The following SLC37A1 variants were observed in gnomAD, a reference collection of about 807,000 sequenced individuals.
SLC37A1 encodes solute carrier family 37 member 1, also known as glucose-6-phosphate exchanger SLC37A1.
In SLC37A1, 49 loss-of-function variants were observed where a neutral mutation model predicts 75.3. That is an observed-to-expected ratio of 0.65 (90% CI 0.52 to 0.83). SLC37A1 has a LOEUF of 0.83. Among genes scored for constraint, SLC37A1 ranks in the 40% least tolerant of loss-of-function variants. SLC37A1 has a pLI of 0.00. For missense variants in SLC37A1, 566 were observed against 695.0 expected (o/e 0.81, Z 2.09); for synonymous variants, 268 against 292.1 (o/e 0.92, Z 0.84).
chr21:42,564,881 C>A, intron 14 of SLC37A1, 88 bp downstream of exon 14: 2 of 1,269,012 alleles, frequency 1.6e-6, no homozygotes, highest in South Asian at 1.3e-5. Flanking sequence ...CCATCTGGCC[C>A]GTGCTCCACT....
At chr21:42,520,966 C>T (rs777581523) in intron 2 of SLC37A1, among the ~76,000 whole-genome samples, 2 of 152,254 alleles carry the variant, frequency 1.3e-5, no homozygotes, top group Admixed American at 6.5e-5. Flanking sequence ...GCGTAAGATT[C>T]GGCGAGTCCT....
chr21:42,556,090 T>C (rs984639754), intron 10 of SLC37A1, among the ~76,000 whole-genome samples: 2 of 152,136 alleles, frequency 1.3e-5, no homozygotes, highest in Admixed American at 1.3e-4. Context: ...CTCAGTGGCC[T>C]CTTGAAGAGA....
chr21:42,535,057 C>A (rs1199686944), intron 4 of SLC37A1, among the ~76,000 whole-genome samples: 2 of 152,202 alleles, frequency 1.3e-5, no homozygotes. Context: ...TGCTGAAGAT[C>A]ATTTGCATTT....
intron 10 of SLC37A1, among the ~76,000 whole-genome samples, chr21:42,556,645 A>G (rs953227329): frequency 1.7e-4 from 26 of 152,320 alleles, no homozygotes; most frequent in African/African-American, 6.3e-4. Context: ...CGGGGGCTCC[A>G]CAGATCCCAT....
chr21:42,555,864 C>T (rs1247374684), intron 10 of SLC37A1, among the ~76,000 whole-genome samples: 3 of 152,226 alleles, frequency 2.0e-5, no homozygotes, highest in African/African-American at 2.4e-5. Flanking sequence ...CACAACCGGG[C>T]GCATGCTGAC....
At chr21:42,573,828 C>T (rs1461910426) in intron 17 of SLC37A1, among the ~76,000 whole-genome samples, 1 of 151,938 alleles carries the variant, frequency 6.6e-6, no homozygotes, top group Admixed American at 6.5e-5. Context: ...CATTTCAGTC[C>T]CTCTTGGTAA....
intron 2 of SLC37A1, among the ~76,000 whole-genome samples, chr21:42,525,409 G>A (rs1216581551): frequency 6.6e-6 from 1 of 152,236 alleles, no homozygotes; most frequent in East Asian, 1.9e-4. Context: ...CTGACTCCTG[G>A]AAGACAGTGT....
Position 42,547,062 on chromosome 21 carries a change from G to A in SLC37A1, c.731-41G>A, listed in dbSNP as rs1461851717. 4 of 1,614,004 alleles carry A rather than the reference G, an allele frequency of 2.5e-6. No homozygotes were observed. The highest frequency in any genetic ancestry group is 3.4e-6 in the Non-Finnish European group (4 of 1,179,906). Reference sequence around the variant, plus strand: ...ACGTAGCTTACTTGGCATTGCCATGGTGGTGGACCTGCTCAGCCTCACTCA... The same window carrying A: ...ACGTAGCTTACTTGGCATTGCCATGATGGTGGACCTGCTCAGCCTCACTCA... On this transcript the variant is annotated intron_variant, in intron 8 of 19. Transcript: ENST00000352133. This position sits in a 1 kb window ranked among gnomAD's most constrained non-coding sequence, Gnocchi z 6.1.
intron 10 of SLC37A1, 105 bp from the exon 11 acceptor site, chr21:42,558,853 G>A (rs1601745255): frequency 6.9e-7 from 1 of 1,451,888 alleles, no homozygotes; most frequent in East Asian, 2.4e-5. Flanking sequence ...CAGTGGAAGA[G>A]AGAGCCGCCA....
chr21:42,503,579 G>A (rs763784329), intron 2 of SLC37A1, among the ~76,000 whole-genome samples: 19 of 152,178 alleles, frequency 1.2e-4, no homozygotes, highest in South Asian at 4.1e-4. Flanking sequence ...ACAATGTGTC[G>A]GGTGTCTTTT....
At chr21:42,546,954 G>A (rs753780488) in intron 8 of SLC37A1, 149 bp from the exon 9 acceptor site, 51 of 905,088 alleles carry the variant, frequency 5.6e-5, no homozygotes, top group Non-Finnish European at 3.8e-5. Flanking sequence ...GGCAAGAGCA[G>A]CTCAAATCCA....
At chr21:42,574,546 A>T (rs541056364) in intron 17 of SLC37A1, among the ~76,000 whole-genome samples, 1 of 152,312 alleles carries the variant, frequency 6.6e-6, no homozygotes, top group African/African-American at 2.4e-5. Context: ...CCCAATTCTG[A>T]AATGCCCCAG....
intron 3 of SLC37A1, among the ~76,000 whole-genome samples, chr21:42,530,062 G>A (rs1006643477): frequency 6.6e-6 from 1 of 152,130 alleles, no homozygotes; most frequent in African/African-American, 2.4e-5. Flanking sequence ...AACAATGCTG[G>A]ATATCAAGGG....
In SLC37A1 at chr21:42,530,654, A is replaced by ACACACACCCC. The variant is rs1161313598; in HGVS notation, c.139-4043_139-4042insACACACCCCC. Among the ~76,000 whole-genome samples the ACACACACCCC allele has an allele frequency of 6.1e-3, 219 of 35,878 alleles. 5 individuals are homozygous for ACACACACCCC. The highest frequency in any genetic ancestry group is 0.019 in the Middle Eastern group (2 of 104). The allele number at this position is 35,878 out of a possible 152,430, so 23.5% of individuals were successfully genotyped here. ...CACACACACACACACACACACACAC[A>ACACACACCCC]CCCCCTCTGTGTTGGCTGAAGGTGG... is the stretch of plus-strand genomic sequence containing the variant. On this transcript the variant is annotated intron_variant, in intron 3 of 19. Transcript: ENST00000352133.
At chr21:42,561,860 T>C (rs1391845759) in intron 11 of SLC37A1, 5 of 508,350 alleles carry the variant, frequency 9.8e-6, no homozygotes, top group Non-Finnish European at 1.8e-5. Context: ...CGCCCCTCCC[T>C]GGTGCCCCTG....
chr21:42,539,421 C>T (rs1669517435), intron 5 of SLC37A1, 91 bp from the exon 6 acceptor site: 2 of 1,430,698 alleles, frequency 1.4e-6, no homozygotes, highest in Admixed American at 4.2e-5. Context: ...CAGAGAACAG[C>T]ATGAAAGCAT....
At chr21:42,544,814 A>G (rs995977103) in intron 8 of SLC37A1, among the ~76,000 whole-genome samples, 1 of 152,126 alleles carries the variant, frequency 6.6e-6, no homozygotes, top group Non-Finnish European at 1.5e-5. Flanking sequence ...TAGAACCTGG[A>G]GTTCTGTGCC....
At position 42,543,503 on chromosome 21, in the gene SLC37A1, G is replaced by C; in HGVS notation, c.631G>C (p.Ala211Pro). Residue 211 changes from alanine to proline, a missense_variant, in exon 8 of 20, where the codon GCT becomes CCT. Ala to Pro is a conservative substitution (Grantham distance 27, BLOSUM62 -1). Coordinates refer to ENST00000352133, the MANE Select transcript of SLC37A1 (RefSeq NM_001320537.2). Reference sequence around the variant, plus strand: ...GGGCAACATCTTGGGGTCATTGATCGCTGGCTACTGGGTGTCCACATGCTG... The same window carrying C: ...GGGCAACATCTTGGGGTCATTGATCCCTGGCTACTGGGTGTCCACATGCTG... ...SVGNILGSLI[A>P]GYWVSTCWGL... The C allele has an allele frequency of 6.2e-7, 1 of 1,614,180 alleles. No individual in the cohort carries two copies. The highest frequency in any genetic ancestry group is 2.2e-5 in the East Asian group (1 of 44,882).
chr21:42,575,566 A>ACAGT, intron 18 of SLC37A1: 1 of 985,392 alleles, frequency 1.0e-6, no homozygotes, highest in Non-Finnish European at 1.2e-6. Context: ...TGATGATGTC[A>ACAGT]CAGTCACATA....
Sources: allele counts gnomAD v4.1 joint callset (sites outside exome capture counted in the v4.1 genomes callset), GRCh38; gene constraint gnomAD v4.1.1; non-coding constraint Gnocchi (gnomAD v3.1); transcripts MANE v1.5; gene names NCBI Gene and HGNC (gene_info 2026-07-23, HGNC 2026-07-21).